Variants in L3MBTL4 observed in about 807,000 individuals in gnomAD.
The protein encoded by L3MBTL4 is L3MBTL histone methyl-lysine binding protein 4.
In L3MBTL4, 70 loss-of-function variants were observed where a neutral mutation model predicts 84.5. The ratio of observed to expected loss-of-function variants is 0.83; its 90% CI spans 0.68 to 1.01. The LOEUF is 1.01. Ranked by LOEUF, L3MBTL4 falls within the 50% of genes least tolerant of loss-of-function variation. The probability of loss-of-function intolerance (pLI) is 0.00; values close to 1 mark genes in which losing one functional copy is unlikely to be tolerated. For missense variants in L3MBTL4, 715 were observed against 754.8 expected (o/e 0.95, Z 0.62); for synonymous variants, 274 against 259.8 (o/e 1.05, Z -0.52).
chr18:6,136,896 C>A (rs1002247127), intron 14 of L3MBTL4, among the ~76,000 whole-genome samples: 1 of 152,218 alleles, frequency 6.6e-6, no homozygotes, highest in African/African-American at 2.4e-5. Context: ...AGAAATGCAG[C>A]GCCTAGAATT....
chr18:6,178,930 G>A (rs1162304358), intron 12 of L3MBTL4, among the ~76,000 whole-genome samples: 2 of 152,068 alleles, frequency 1.3e-5, no homozygotes, highest in African/African-American at 2.4e-5. Flanking sequence ...AGTCATGTTC[G>A]CTGCTCCCAT....
intron 5 of L3MBTL4, among the ~76,000 whole-genome samples, chr18:6,245,734 T>C (rs1020226338): frequency 2.6e-5 from 4 of 151,848 alleles, no homozygotes; most frequent in Non-Finnish European, 4.4e-5. Flanking sequence ...GGATTACAAG[T>C]GTGCACCACT....
At chr18:6,259,607 A>C (rs1186469581) in intron 5 of L3MBTL4, 1 of 144,900 alleles carries the variant, frequency 6.9e-6, no homozygotes, top group Non-Finnish European at 1.5e-5. Context: ...CATCTCCTTC[A>C]TTCTTCTTTT....
chr18:6,275,716 TACTC>T (rs2049051580), intron 4 of L3MBTL4, among the ~76,000 whole-genome samples: 1 of 152,186 alleles, frequency 6.6e-6, no homozygotes, highest in Non-Finnish European at 1.5e-5. Context: ...TTTTTAGCCA[TACTC>T]AATCATGAGA....
chr18:6,296,034 C>T (rs532717915), intron 4 of L3MBTL4, among the ~76,000 whole-genome samples: 1 of 152,330 alleles, frequency 6.6e-6, no homozygotes, highest in African/African-American at 2.4e-5. Context: ...GGAATTACCT[C>T]AGTGGGAATG....
At chr18:6,403,052 A>G (rs2055577339) in intron 1 of L3MBTL4, among the ~76,000 whole-genome samples, 2 of 152,176 alleles carry the variant, frequency 1.3e-5, no homozygotes, top group Admixed American at 1.3e-4. Flanking sequence ...GTGGCATTTA[A>G]AGGACACAGG....
chr18:6,100,030 AATCCGTT>A (rs1016625843), intron 14 of L3MBTL4, among the ~76,000 whole-genome samples: 3 of 152,180 alleles, frequency 2.0e-5, no homozygotes, highest in African/African-American at 7.2e-5. Context: ...TAAGCATTGT[AATCCGTT>A]TAGTATAGTG....
chr18:6,152,749 T>C (rs2042950508), intron 13 of L3MBTL4, among the ~76,000 whole-genome samples: 1 of 152,220 alleles, frequency 6.6e-6, no homozygotes, highest in Admixed American at 6.5e-5. Context: ...AGCTTTATAA[T>C]TTGATGTAGT....
At chr18:6,353,042 A>G (rs1369560974) in intron 1 of L3MBTL4, among the ~76,000 whole-genome samples, 1 of 152,222 alleles carries the variant, frequency 6.6e-6, no homozygotes, top group Admixed American at 6.5e-5. Flanking sequence ...GTAAATTATA[A>G]CTTACCACAA....
intron 16 of L3MBTL4, among the ~76,000 whole-genome samples, chr18:5,978,044 G>A (rs1481662551): frequency 6.6e-6 from 1 of 152,218 alleles, no homozygotes; most frequent in Non-Finnish European, 1.5e-5. Context: ...CGGTGTAGCA[G>A]GGGTGCTTAA....
intron 16 of L3MBTL4, among the ~76,000 whole-genome samples, chr18:6,011,827 A>G (rs2054753272): frequency 6.6e-6 from 1 of 152,188 alleles, no homozygotes; most frequent in Admixed American, 6.5e-5. Context: ...TTGTAATAAC[A>G]CAAATATATA....
intron 14 of L3MBTL4, among the ~76,000 whole-genome samples, chr18:6,122,468 A>G (rs1037192614): frequency 2.0e-5 from 3 of 152,208 alleles, no homozygotes; most frequent in African/African-American, 7.2e-5. Context: ...ATGAGAGTGA[A>G]TAAGTCTCAC....
intron 16 of L3MBTL4, among the ~76,000 whole-genome samples, chr18:5,987,960 T>C (rs1038755737): frequency 6.6e-6 from 1 of 152,342 alleles, no homozygotes; most frequent in South Asian, 2.1e-4. Flanking sequence ...GAAGCTCTGC[T>C]AATGCATATT....
At chr18:6,127,208 G>C (rs997063345) in intron 14 of L3MBTL4, among the ~76,000 whole-genome samples, 2 of 152,138 alleles carry the variant, frequency 1.3e-5, no homozygotes, top group African/African-American at 4.8e-5. Flanking sequence ...TCCAACTTGC[G>C]GCCCATGGGC....
At chr18:6,247,466 A>ATTTTTTTTTTTTTTTTTTTTTTT (rs71163266) in intron 5 of L3MBTL4, among the ~76,000 whole-genome samples, 1 of 49,642 alleles carries the variant, frequency 2.0e-5, no homozygotes. Flanking sequence ...CCCTCCTCTG[A>ATTTTTTTTTTTTTTTTTTTTTTT]TTTTTTTTTT....
At chr18:5,957,281 T>C (rs148426325) in intron 18 of L3MBTL4, among the ~76,000 whole-genome samples, 565 of 152,020 alleles carry the variant, frequency 3.7e-3, no homozygotes, top group African/African-American at 0.013. Flanking sequence ...TGGGTGGTAA[T>C]GGAAAGAGTG....
intron 12 of L3MBTL4, among the ~76,000 whole-genome samples, chr18:6,172,524 G>A (rs551964781): frequency 1.3e-4 from 20 of 152,184 alleles, no homozygotes; most frequent in African/African-American, 4.6e-4. Flanking sequence ...TAAAGGCCAA[G>A]GGTAAGCTAT....
intron 3 of L3MBTL4, among the ~76,000 whole-genome samples, chr18:6,306,550 T>C (rs1184961167): frequency 6.6e-6 from 1 of 152,108 alleles, no homozygotes; most frequent in Non-Finnish European, 1.5e-5. Context: ...CCCCAAACAT[T>C]TTCTCAGTAT....
At chr18:6,146,865 C>T (rs1053671241) in intron 13 of L3MBTL4, among the ~76,000 whole-genome samples, 2 of 151,942 alleles carry the variant, frequency 1.3e-5, no homozygotes, top group African/African-American at 4.8e-5. Flanking sequence ...AGCAGTGGGG[C>T]GATCAGGGAC....
Sources: allele counts gnomAD v4.1 joint callset (sites outside exome capture counted in the v4.1 genomes callset), GRCh38; gene constraint gnomAD v4.1.1; transcripts MANE v1.5; gene names NCBI Gene and HGNC (gene_info 2026-07-23, HGNC 2026-07-21).